EPS8L1: variants seen among roughly 807,000 people sequenced by gnomAD.
EPS8L1 encodes the protein epidermal growth factor receptor kinase substrate 8-like protein 1.
A neutral mutation model predicts 91.7 loss-of-function variants in EPS8L1; 101 were observed. The observed-to-expected ratio is 1.10, with a 90% CI of 0.94 to 1.30. EPS8L1 has a LOEUF of 1.30. Among genes scored for constraint, EPS8L1 ranks in the 50% most tolerant of loss-of-function variants. The probability of loss-of-function intolerance (pLI) is 0.00; values close to 1 mark genes in which losing one functional copy is unlikely to be tolerated. For missense variants in EPS8L1, 1,114 were observed against 1,017.0 expected (o/e 1.10, Z -1.30); for synonymous variants, 506 against 445.3 (o/e 1.14, Z -1.72).
rs1793079514 is a variant in EPS8L1 at position 55,087,886 on chromosome 19, T to C, written c.*272T>C. On this transcript the variant is annotated 3_prime_UTR_variant, in exon 20 of 20. Coordinates refer to ENST00000201647, the MANE Select transcript of EPS8L1 (RefSeq NM_133180.3). ...TGCAGTGGAGCCCTGAGCATTGTAATATGCGGCCCAGCCTATAAACAGCCT... is the reference window on the plus strand; with the variant it reads ...TGCAGTGGAGCCCTGAGCATTGTAACATGCGGCCCAGCCTATAAACAGCCT... The C allele has an allele frequency of 2.1e-6, 1 of 480,708 alleles. No homozygotes were observed. Among genetic ancestry groups the C allele is most frequent in the African/African-American group, 2.0e-5 (1 of 50,726 alleles). 29.8% of individuals were successfully genotyped at this position (480,708 alleles called of 1,614,324 possible).
intron 18 of EPS8L1, 104 bp downstream of exon 18, chr19:55,086,992 G>T (rs2076359937): frequency 7.3e-7 from 1 of 1,366,418 alleles, no homozygotes; most frequent in South Asian, 1.6e-5. Context: ...GAGACCACAG[G>T]GAGCCGGGAT....
At position 55,086,168 on chromosome 19, in the gene EPS8L1, C is replaced by A; in HGVS notation, c.1626C>A (p.His542Gln). The A allele has an allele frequency of 6.2e-7, 1 of 1,601,830 alleles. No homozygotes were observed. Among genetic ancestry groups the A allele is most frequent in the Non-Finnish European group, 8.5e-7 (1 of 1,173,382 alleles). The change falls in exon 16 of 20, where the codon CAC becomes CAA. Residue 542 changes from histidine (H) to glutamine (Q), a missense_variant. By Grantham distance (24) the His-to-Gln change is conservative. Coordinates refer to ENST00000201647, the MANE Select transcript of EPS8L1 (RefSeq NM_133180.3). ...CCTACCCCGGACCCCGGCTGCACCA[C>A]AGCCAAAGCCCTGCCCGCAGCCTGG... ...LTPYPGPRLH[H>Q]SQSPARSLNS...
intron 7 of EPS8L1, 113 bp downstream of exon 7, chr19:55,080,967 C>T: frequency 9.3e-7 from 1 of 1,070,380 alleles, no homozygotes; most frequent in South Asian, 1.6e-5. Context: ...GTCAAGCACA[C>T]CCTAGTCGAG....
intron 9 of EPS8L1, 37 bp from the exon 10 acceptor site, chr19:55,082,055 C>A: frequency 6.4e-7 from 1 of 1,558,474 alleles, no homozygotes. Context: ...GGTGCTGGCC[C>A]CGCGTCCCCA....
rs2076317000 is a variant in EPS8L1 at position 55,083,561 on chromosome 19, GGGGCGCGGCC to G, written c.1356+45_1357-43del. On this transcript the variant is annotated intron_variant, in intron 13 of 19. Coordinates refer to ENST00000201647, the MANE Select transcript of EPS8L1 (RefSeq NM_133180.3). This position sits in a 1 kb window ranked among gnomAD's most constrained non-coding sequence, Gnocchi z 4.7. ...AGCAGGGCCGAGGCTGGGAAGTCCGGGGGCGCGGCCGGTCCGCCTGGCCCCGCCTGACCCG... is the reference window on the plus strand; with the variant it reads ...AGCAGGGCCGAGGCTGGGAAGTCCGGGGTCCGCCTGGCCCCGCCTGACCCG... 1 of 1,598,308 alleles carries G rather than the reference GGGGCGCGGCC, an allele frequency of 6.3e-7. No homozygotes were observed.
intron 2 of EPS8L1, among the ~76,000 whole-genome samples, chr19:55,077,792 T>C (rs961132276): frequency 6.6e-6 from 1 of 151,268 alleles, no homozygotes; most frequent in Non-Finnish European, 1.5e-5. Context: ...TTTCACCATG[T>C]TGGCCAAGAT....
In EPS8L1 at chr19:55,086,397, C is replaced by T. The variant is rs1279547009; in HGVS notation, c.1656C>T (p.Ser552=). 2.5e-6 allele frequency: 4 copies of T among 1,576,366 alleles called. No individual in the cohort carries two copies. The highest frequency in any genetic ancestry group is 3.4e-6 in the Non-Finnish European group (4 of 1,159,878). The change falls in exon 17 of 20, where the codon AGC becomes AGT. Residue 552 remains serine, a synonymous_variant. Transcript: ENST00000201647. ...TCTCCTCTCCTTCCTTTCAGAACAG[C>T]ACTCCTCCTCCACCACCAGCCCCAG... ...HSQSPARSLN[S]TPPPPPAPAP...
rs777385078 is a variant in EPS8L1 at position 55,080,834 on chromosome 19, G to C, written c.492G>C (p.Glu164Asp). The change falls in exon 7 of 20, where the codon GAG becomes GAC. Residue 164 changes from glutamate (E) to aspartate (D), a missense_variant. By Grantham distance (45) the Glu-to-Asp change is conservative (BLOSUM62 2). Transcript: ENST00000201647. ...ACAATTACCGCTCGGGCCGCGGGGA[G>C]CGCAGGGCGGCGGCGCTCAGGTGAG... The part of the protein sequence containing the change: ...ALHNYRSGRG[E>D]RRAAALRATQ... The C allele has an allele frequency of 6.2e-7, 1 of 1,610,778 alleles. No homozygotes were observed. The highest frequency in any genetic ancestry group is 1.1e-5 in the South Asian group (1 of 90,714).
In EPS8L1 at chr19:55,080,797, A is replaced by AG; in HGVS notation, c.460dup (p.Ala154GlyfsTer33). The AG allele has an allele frequency of 1.9e-6, 3 of 1,611,566 alleles. No homozygotes were observed. Among genetic ancestry groups the AG allele is most frequent in the Non-Finnish European group, 2.5e-6 (3 of 1,178,974 alleles). On this transcript the variant is annotated frameshift_variant, in exon 7 of 20. Transcript: ENST00000201647. LOFTEE classifies it high-confidence loss of function. ...GCGGAGCTGATCCGAGAGGACATCC[A>AG]GGGGGCTCTGCACAATTACCGCTCG... is the stretch of plus-strand genomic sequence containing the variant.
Position 55,081,277 on chromosome 19 carries a change from A to AC in EPS8L1, c.563dup (p.Pro189AlafsTer39). 2.0e-6 allele frequency: 3 copies of AC among 1,536,508 alleles called. No individual in the cohort carries two copies. Among genetic ancestry groups the AC allele is most frequent in the Non-Finnish European group, 2.6e-6 (3 of 1,150,916 alleles). On this transcript the variant is annotated frameshift_variant, in exon 8 of 20. Coordinates refer to ENST00000201647, the MANE Select transcript of EPS8L1 (RefSeq NM_133180.3). LOFTEE classifies it high-confidence loss of function. The surrounding 1 kb of genome is among the most constrained non-coding windows in gnomAD (Gnocchi z 4.9). Reference sequence around the variant, plus strand: ...GCGCGACCGCTCGCCCGCCGCTGAGACCCCGCCCCTGCAGCGCCGCCCGTC... The same window carrying AC: ...GCGCGACCGCTCGCCCGCCGCTGAGACCCCCGCCCCTGCAGCGCCGCCCGTC...
At chr19:55,076,353 G>A (rs903048593) in intron 1 of EPS8L1, 55 bp from the exon 2 acceptor site, 19 of 1,497,644 alleles carry the variant, frequency 1.3e-5, no homozygotes, top group Non-Finnish European at 1.7e-5. Flanking sequence ...AGGAGGCTGG[G>A]GTAGGAATTA....
chr19:55,087,240 A>G lies in EPS8L1; in HGVS notation c.1953-63A>G, dbSNP rs944959737. ...TGGACCATCGCCGGGTGGGCGTGACATGATTGTCCGGGCTGGGGCATCCGC... is the reference window on the plus strand; with the variant it reads ...TGGACCATCGCCGGGTGGGCGTGACGTGATTGTCCGGGCTGGGGCATCCGC... On this transcript the variant is annotated intron_variant, in intron 18 of 19. Transcript: ENST00000201647. 2.0e-6 allele frequency: 3 copies of G among 1,534,088 alleles called. No individual in the cohort carries two copies. The African/African-American group carries it at 4.1e-5, about 21-fold the overall frequency.
At position 55,083,886 on chromosome 19, in the gene EPS8L1, G is replaced by A; in HGVS notation, c.1385+242G>A. 2 of 652,468 alleles carry A rather than the reference G, an allele frequency of 3.1e-6. No individual in the cohort carries two copies. The highest frequency in any genetic ancestry group is 5.4e-6 in the Non-Finnish European group (2 of 368,906). The allele number at this position is 652,468 out of a possible 1,614,324, so 40.4% of individuals were successfully genotyped here. On this transcript the variant is annotated intron_variant, in intron 14 of 19. Transcript: ENST00000201647. This position sits in a 1 kb window ranked among gnomAD's most constrained non-coding sequence, Gnocchi z 4.7. ...TGGGAATGGAGACCCGGATTCCTGG[G>A]CCTAAGGGAGGAAGGGGGCTGGGAG... is the stretch of plus-strand genomic sequence containing the variant.
chr19:55,076,170 A>AG (rs1568770217), intron 1 of EPS8L1, among the ~76,000 whole-genome samples: 9,955 of 35,288 alleles, frequency 0.28, 785 homozygotes, highest in Non-Finnish European at 0.3. Context: ...GGAGGAGTGG[A>AG]CTGGGGTCTG....
At chr19:55,086,331 G>A in intron 16 of EPS8L1, 61 bp from the exon 17 acceptor site, 3 of 1,604,570 alleles carry the variant, frequency 1.9e-6, no homozygotes, top group Non-Finnish European at 2.6e-6. Flanking sequence ...TCCAGAAAGG[G>A]GAGAGGCTGG....
Position 55,079,709 on chromosome 19 carries a change from T to C in EPS8L1, c.137T>C (p.Leu46Pro). ...YPVNHLVTFC[L>P]GEDDGVHTVE... Reference sequence around the variant, plus strand: ...TACCAGCACCTGGTGACGTTCTGCCTGGGTGAGGACGATGGCGTGCATACC... The same window carrying C: ...TACCAGCACCTGGTGACGTTCTGCCCGGGTGAGGACGATGGCGTGCATACC... Residue 46 changes from leucine to proline, a missense_variant, in exon 5 of 20, where the codon CTG (leucine) becomes CCG (proline). Transcript: ENST00000201647. 1.9e-6 allele frequency: 3 copies of C among 1,614,030 alleles called. No individual in the cohort carries two copies. Among genetic ancestry groups the C allele is most frequent in the South Asian group, 1.1e-5 (1 of 91,078 alleles).
Position 55,081,324 on chromosome 19 carries a change from C to G in EPS8L1, c.606C>G (p.Thr202=), listed in dbSNP as rs890454452. The change falls in exon 8 of 20, where the codon ACC becomes ACG. Residue 202 remains threonine (T), a synonymous_variant. Transcript: ENST00000201647. The surrounding 1 kb of genome is among the most constrained non-coding windows in gnomAD (Gnocchi z 4.9). ...CGTCAGTCCGCGCAGTGATCAGCAC[C>G]GTAGAGCGGGGCGCGGGCCGCGGAC... is the stretch of plus-strand genomic sequence containing the variant. ...RRPSVRAVIS[T]VERGAGRGRP... 2.6e-6 allele frequency: 4 copies of G among 1,556,736 alleles called. No homozygotes were observed. The highest frequency in any genetic ancestry group is 1.9e-5 in the Admixed American group (1 of 52,160).
rs1164970682 is a variant in EPS8L1 at position 55,079,788 on chromosome 19, G to T, written c.216G>T (p.Trp72Cys). 2.5e-6 allele frequency: 4 copies of T among 1,613,988 alleles called. No individual in the cohort carries two copies. Among genetic ancestry groups the T allele is most frequent in the Admixed American group, 1.7e-5 (1 of 59,996 alleles). The part of the protein sequence containing the change: ...LAVMDSQGRV[W>C]AQEMLLRVSP... ...TCATGGATAGCCAGGGCCGAGTCTG[G>T]GCACAGGAGATGCTGCTGCGAGTGT... The change falls in exon 5 of 20, where the codon TGG (tryptophan) becomes TGT (cysteine). Residue 72 changes from tryptophan (W) to cysteine (C), a missense_variant. By Grantham distance (215) the Trp-to-Cys change is radical. Transcript: ENST00000201647.
rs557180813 is a variant in EPS8L1 at position 55,080,441 on chromosome 19, G to A, written c.429+163G>A. On this transcript the variant is annotated intron_variant, in intron 6 of 19. Transcript: ENST00000201647. ...GGGAAGGAAGTTCTGGAAGGCAGTG[G>A]GGTTTGAGATTGGACCCAGGGTCAA... 3.1e-6 allele frequency: 5 copies of A among 1,609,760 alleles called. No homozygotes were observed. In the South Asian group the frequency reaches 4.4e-5, roughly 14 times the overall value.
Sources: allele counts gnomAD v4.1 joint callset (sites outside exome capture counted in the v4.1 genomes callset), GRCh38; gene constraint gnomAD v4.1.1; non-coding constraint Gnocchi (gnomAD v3.1); transcripts MANE v1.5; gene names NCBI Gene and HGNC (gene_info 2026-07-23, HGNC 2026-07-21).